NTRK3: variants seen among roughly 807,000 people sequenced by gnomAD.
NTRK3 encodes neurotrophic receptor tyrosine kinase 3, also known as NT-3 growth factor receptor.
In NTRK3, 24 loss-of-function variants were observed where a neutral mutation model predicts 91.7. That is an observed-to-expected ratio of 0.26 (90% CI 0.19 to 0.37). The LOEUF (loss-of-function observed/expected upper bound fraction) is 0.37, where lower values mean the gene tolerates loss of function less well. NTRK3 is among the 10% of genes least tolerant of loss of function. The probability of loss-of-function intolerance (pLI) is 1.00; values close to 1 mark genes in which losing one functional copy is unlikely to be tolerated. For missense variants in NTRK3, 880 were observed against 1,068.9 expected (o/e 0.82, Z 2.46); for synonymous variants, 483 against 404.0 (o/e 1.20, Z -2.34).
chr15:87,917,078 G>T (rs191671797), intron 17 of NTRK3, among the ~76,000 whole-genome samples: 3 of 152,160 alleles, frequency 2.0e-5, no homozygotes, highest in Non-Finnish European at 4.4e-5. Context: ...GGCCATTTTG[G>T]TCACATTGAG....
intron 13 of NTRK3, among the ~76,000 whole-genome samples, chr15:88,046,338 C>G (rs952939285): frequency 6.6e-6 from 1 of 152,140 alleles, no homozygotes; most frequent in Non-Finnish European, 1.5e-5. Flanking sequence ...TTCTCCTGTG[C>G]TGGGCTCTGA....
chr15:87,880,894 C>T (rs1178936086), intron 17 of NTRK3, among the ~76,000 whole-genome samples: 1 of 152,208 alleles, frequency 6.6e-6, no homozygotes, highest in Non-Finnish European at 1.5e-5. Flanking sequence ...AACTGACAAT[C>T]TCGAATCTCT....
At chr15:88,047,889 G>C (rs2080386479) in intron 13 of NTRK3, among the ~76,000 whole-genome samples, 1 of 152,160 alleles carries the variant, frequency 6.6e-6, no homozygotes, top group Non-Finnish European at 1.5e-5. Context: ...AGAAAAGATA[G>C]TCATGGGTAG....
chr15:87,871,219 G>A (rs1028471076), exon 19 of NTRK3: 3 of 230,998 alleles, frequency 1.3e-5, no homozygotes, highest in Non-Finnish European at 2.6e-5. Flanking sequence ...GACAGTTCTT[G>A]TTGCAAACTA....
chr15:87,942,988 C>T lies in NTRK3; in HGVS notation c.1586-2235G>A, dbSNP rs561197195. ...TGCCAAGTTACTTGGGGAAGAGCACCGTTTGGCCCCAGACTCCACCCCAAT... is the reference window on the plus strand; with the variant it reads ...TGCCAAGTTACTTGGGGAAGAGCACTGTTTGGCCCCAGACTCCACCCCAAT... On this transcript the variant is annotated intron_variant, in intron 14 of 18. Transcript: ENST00000394480. Among the ~76,000 whole-genome samples the T allele has an allele frequency of 7.2e-5, 11 of 152,192 alleles. No individual in the cohort carries two copies. In the South Asian group the frequency reaches 1.5e-3, roughly 20 times the overall value.
intron 13 of NTRK3, among the ~76,000 whole-genome samples, chr15:88,060,874 C>T (rs1314614771): frequency 6.6e-6 from 1 of 152,146 alleles, no homozygotes; most frequent in Non-Finnish European, 1.5e-5. Context: ...CTTAAATTTA[C>T]TATCAATATA....
chr15:88,050,453 T>C (rs2080712549), intron 13 of NTRK3, among the ~76,000 whole-genome samples: 1 of 152,134 alleles, frequency 6.6e-6, no homozygotes, highest in African/African-American at 2.4e-5. Flanking sequence ...CTTTTTAAAG[T>C]TTAGCTAGGT....
chr15:88,005,655 C>T (rs1256086427), intron 14 of NTRK3, among the ~76,000 whole-genome samples: 1 of 152,140 alleles, frequency 6.6e-6, no homozygotes, highest in Non-Finnish European at 1.5e-5. Flanking sequence ...TACCTGACAT[C>T]TGTATATCCC....
intron 3 of NTRK3, among the ~76,000 whole-genome samples, chr15:88,198,300 T>C (rs775669715): frequency 2.1e-4 from 32 of 152,156 alleles, no homozygotes; most frequent in Middle Eastern, 3.2e-3. Flanking sequence ...GCCTGCACTT[T>C]ACAAGTCAGC....
intron 3 of NTRK3, among the ~76,000 whole-genome samples, chr15:88,193,119 G>C (rs907856656): frequency 1.3e-5 from 2 of 152,068 alleles, no homozygotes; most frequent in Non-Finnish European, 2.9e-5. Flanking sequence ...ATCCAGGGCG[G>C]TACTATGTAG....
intron 3 of NTRK3, among the ~76,000 whole-genome samples, chr15:88,186,373 G>A (rs2046945116): frequency 6.6e-6 from 1 of 152,136 alleles, no homozygotes; most frequent in African/African-American, 2.4e-5. Context: ...CCCACAAACG[G>A]ACCCTTCCCT....
chr15:87,978,703 A>G, intron 14 of NTRK3: 1 of 233,434 alleles, frequency 4.3e-6, no homozygotes, highest in Non-Finnish European at 8.5e-6. Context: ...GTCCCAAAAA[A>G]GGATGATTTT....
intron 14 of NTRK3, among the ~76,000 whole-genome samples, chr15:87,977,066 A>G (rs1254259431): frequency 6.6e-6 from 1 of 152,190 alleles, no homozygotes; most frequent in African/African-American, 2.4e-5. Flanking sequence ...TCAGATTTGA[A>G]TCTTGCTTTC....
intron 5 of NTRK3, among the ~76,000 whole-genome samples, chr15:88,169,288 C>G: frequency 6.6e-6 from 1 of 152,182 alleles, no homozygotes; most frequent in East Asian, 1.9e-4. Context: ...TTTAATCAGC[C>G]TCCTTGCAGA....
intron 13 of NTRK3, among the ~76,000 whole-genome samples, chr15:88,061,463 G>C (rs1406600742): frequency 6.6e-6 from 1 of 152,326 alleles, no homozygotes; most frequent in Non-Finnish European, 1.5e-5. Flanking sequence ...TGGCTGCTAA[G>C]AGCATCTTGA....
At chr15:88,008,693 G>A (rs1224017598) in intron 14 of NTRK3, among the ~76,000 whole-genome samples, 1 of 152,146 alleles carries the variant, frequency 6.6e-6, no homozygotes, top group Non-Finnish European at 1.5e-5. Flanking sequence ...CTGATGAGGA[G>A]CAACCAGGGC....
intron 13 of NTRK3, among the ~76,000 whole-genome samples, chr15:88,066,198 C>G (rs1360478957): frequency 6.6e-6 from 1 of 152,158 alleles, no homozygotes; most frequent in African/African-American, 2.4e-5. Context: ...CCCTAACTCA[C>G]CCCAGAACAA....
intron 5 of NTRK3, among the ~76,000 whole-genome samples, chr15:88,164,151 G>A (rs537151256): frequency 1.3e-5 from 2 of 152,284 alleles, no homozygotes; most frequent in African/African-American, 2.4e-5. Flanking sequence ...AAGAACTCTT[G>A]TCCAAAAAGG....
Position 88,094,140 on chromosome 15 carries a change from G to C in NTRK3, c.1396+32131C>G, listed in dbSNP as rs1478795432. 2.6e-5 allele frequency among the ~76,000 whole-genome samples: 4 copies of C among 152,260 alleles called. No homozygotes were observed. The East Asian group carries it at 7.8e-4, about 30-fold the overall frequency. On this transcript the variant is annotated intron_variant, in intron 13 of 18. Transcript: ENST00000394480. ...AGGGGCTCTTCTTGCTGCAGCCTTT[G>C]GAAGAAGTGGGCTGCAGGAAGGGGC...
Sources: gnomAD v4.1 joint callset for allele counts (sites outside exome capture counted in the v4.1 genomes callset) on GRCh38, gnomAD v4.1.1 for gene constraint, MANE v1.5 for transcripts, NCBI Gene and HGNC (gene_info 2026-07-23, HGNC 2026-07-21) for gene names.